CAST: variants seen among roughly 807,000 people sequenced by gnomAD.
CAST encodes calpastatin.
A neutral mutation model predicts 119.6 loss-of-function variants in CAST; 76 were observed. The observed-to-expected ratio is 0.64, with a 90% confidence interval of 0.53 to 0.77. The LOEUF is 0.77. Ranked by LOEUF, CAST falls within the 30% of genes least tolerant of loss-of-function variation. CAST has a pLI of 0.00. For missense variants in CAST, 953 were observed against 946.5 expected (o/e 1.01, Z -0.09); for synonymous variants, 319 against 331.6 (o/e 0.96, Z 0.41).
the CAST span, among the ~76,000 whole-genome samples, chr5:96,516,763 G>A: frequency 2.0e-5 from 3 of 152,296 alleles, no homozygotes; most frequent in East Asian, 1.9e-4. Flanking sequence ...TAAAAGAAAC[G>A]CACTTCTACT....
chr5:96,744,580 G>C (rs1005167272), intron 16 of CAST, among the ~76,000 whole-genome samples: 2 of 152,184 alleles, frequency 1.3e-5, no homozygotes, highest in Admixed American at 1.3e-4. Context: ...CACAGCCAAA[G>C]CATATCACTA....
the CAST span, among the ~76,000 whole-genome samples, chr5:96,412,752 G>GTTTTTTTTTTTTTTTTTTTTTTTT: frequency 3.1e-4 from 22 of 71,804 alleles, 5 homozygotes; most frequent in African/African-American, 1.9e-3. Flanking sequence ...CAGCTGTGAT[G>GTTTTTTTTTTTTTTTTTTTTTTTT]TTTTTTTTTT....
chr5:96,414,317 C>T, the CAST span, among the ~76,000 whole-genome samples: 1 of 152,124 alleles, frequency 6.6e-6, no homozygotes, highest in Non-Finnish European at 1.5e-5. Context: ...TGTATAAACT[C>T]ATCTAAACCT....
chr5:96,448,669 A>G, the CAST span, among the ~76,000 whole-genome samples: 8 of 152,168 alleles, frequency 5.3e-5, no homozygotes. Context: ...AGGAAGATCA[A>G]TACAGACACT....
At chr5:96,683,577 T>C (rs1260872167) in intron 2 of CAST, among the ~76,000 whole-genome samples, 2 of 152,210 alleles carry the variant, frequency 1.3e-5, no homozygotes, top group Admixed American at 1.3e-4. Flanking sequence ...GGAGGATTAC[T>C]AGCAGGACAT....
At chr5:96,305,045 C>T in the CAST span, among the ~76,000 whole-genome samples, 13 of 152,182 alleles carry the variant, frequency 8.5e-5, no homozygotes, top group South Asian at 2.1e-4. Context: ...TTGGGCAGTA[C>T]GGCCATTTTC....
chr5:96,597,496 G>A (rs1747073509), intron 1 of CAST, among the ~76,000 whole-genome samples: 1 of 152,164 alleles, frequency 6.6e-6, no homozygotes, highest in Non-Finnish European at 1.5e-5. Context: ...TGCCTAGGGA[G>A]CTCCTCTAAT....
At chr5:96,660,394 G>T (rs1456205930), upstream of CAST, among the ~76,000 whole-genome samples, 1 of 152,152 alleles carries the variant, frequency 6.6e-6, no homozygotes, top group East Asian at 1.9e-4. Context: ...CAGCTAAACT[G>T]TCAGTCCCTG....
At chr5:96,576,951 G>A (rs1292448683) in intron 1 of CAST, among the ~76,000 whole-genome samples, 2 of 152,050 alleles carry the variant, frequency 1.3e-5, no homozygotes, top group African/African-American at 4.8e-5. Context: ...AGCCCATCAT[G>A]CATTAGCTCT....
At chr5:96,231,133 A>G in the CAST span, among the ~76,000 whole-genome samples, 1 of 152,146 alleles carries the variant, frequency 6.6e-6, no homozygotes, top group Non-Finnish European at 1.5e-5. Context: ...CTTCTAGAAT[A>G]TACACCCAAG....
At chr5:96,301,365 A>G in the CAST span, among the ~76,000 whole-genome samples, 1 of 152,160 alleles carries the variant, frequency 6.6e-6, no homozygotes, top group African/African-American at 2.4e-5. Context: ...GAGCCAAATC[A>G]TATTATCCTG....
rs114809756 is a variant in CAST, at chr5:96,719,858, G to A, written c.211-2781G>A. ...AGCTCGGAGGGTCCTCGTGCAGAGA[G>A]TGCTCCTTTCCAGCCTGAGCGATCC... is the stretch of plus-strand genomic sequence containing the variant. On this transcript the variant is annotated intron_variant, in intron 3 of 31. Transcript: ENST00000675179. Among the ~76,000 whole-genome samples the A allele has an allele frequency of 4.2e-3, 634 of 152,290 alleles. 8 individuals are homozygous for A. The highest frequency in any genetic ancestry group is 0.014 in the African/African-American group (577 of 41,560).
chr5:96,222,701 G>C, the CAST span, among the ~76,000 whole-genome samples: 1 of 151,966 alleles, frequency 6.6e-6, no homozygotes, highest in Non-Finnish European at 1.5e-5. Context: ...AAAAAATACA[G>C]AGATTTCTCA....
At chr5:96,770,739 G>T (rs574220899) in intron 30 of CAST, 137 bp downstream of exon 30, 2 of 588,042 alleles carry the variant, frequency 3.4e-6, no homozygotes, top group East Asian at 2.8e-5. Context: ...CCATAGCATC[G>T]CTTGGTAAAG....
chr5:96,082,880 C>A, the CAST span, among the ~76,000 whole-genome samples: 1 of 152,138 alleles, frequency 6.6e-6, no homozygotes, highest in African/African-American at 2.4e-5. Context: ...CCTACAGATA[C>A]CCACTATTAG....
intron 1 of CAST, among the ~76,000 whole-genome samples, chr5:96,665,672 G>A (rs1749224005): frequency 6.6e-6 from 1 of 151,988 alleles, no homozygotes; most frequent in Non-Finnish European, 1.5e-5. Flanking sequence ...GGAGTTCAGA[G>A]ATTTCCAAAA....
At chr5:96,299,485 G>A in the CAST span, among the ~76,000 whole-genome samples, 1 of 152,124 alleles carries the variant, frequency 6.6e-6, no homozygotes, top group Non-Finnish European at 1.5e-5. Context: ...ATATCACAAT[G>A]CCCTTCTCTT....
At chr5:96,736,661 G>T (rs1279454087) in intron 10 of CAST, among the ~76,000 whole-genome samples, 1 of 149,994 alleles carries the variant, frequency 6.7e-6, no homozygotes, top group Non-Finnish European at 1.5e-5. Context: ...AATTGTCATG[G>T]GAATATGGTA....
intron 3 of CAST, among the ~76,000 whole-genome samples, chr5:96,715,445 C>T (rs1757031136): frequency 1.3e-5 from 2 of 152,188 alleles, no homozygotes; most frequent in African/African-American, 4.8e-5. Flanking sequence ...AGTTCATGGA[C>T]ATTATTGTCA....
Sources: gnomAD v4.1 joint callset for allele counts (sites outside exome capture counted in the v4.1 genomes callset) on GRCh38, gnomAD v4.1.1 for gene constraint, MANE v1.5 for transcripts, NCBI Gene and HGNC (gene_info 2026-07-23, HGNC 2026-07-21) for gene names.